Variants in BEND6 observed in about 807,000 individuals in gnomAD.
BEND6 encodes BEN domain containing 6, also known as BEN domain-containing protein 6.
A neutral mutation model predicts 31.8 loss-of-function variants in BEND6; 24 were observed. The observed-to-expected ratio is 0.75, with a 90% CI of 0.55 to 1.06. The LOEUF (loss-of-function observed/expected upper bound fraction) is 1.06. Ranked by LOEUF, BEND6 falls within the 50% of genes least tolerant of loss-of-function variation. The pLI is 0.00. For synonymous variants in BEND6, 109 were observed against 114.6 expected (o/e 0.95, Z 0.31); for missense variants, 294 against 327.4 (o/e 0.90, Z 0.79).
intron 6 of BEND6, among the ~76,000 whole-genome samples, chr6:57,019,087 T>C (rs1393854130): frequency 1.3e-5 from 2 of 152,248 alleles, no homozygotes; most frequent in Admixed American, 6.5e-5. Context: ...TCCACCATCC[T>C]ACATGTTGCT....
chr6:57,004,992 T>C lies in BEND6; in HGVS notation c.299-10141T>C, dbSNP rs1333460558. Reference sequence around the variant, plus strand: ...GAATATGAAAAGAATTAAGAAGTAATTGTATATTGCACATTATTGCTTAAA... The same window carrying C: ...GAATATGAAAAGAATTAAGAAGTAACTGTATATTGCACATTATTGCTTAAA... On this transcript the variant is annotated intron_variant, in intron 3 of 6. Transcript: ENST00000370746. Among the ~76,000 whole-genome samples the C allele has an allele frequency of 7.2e-5, 11 of 152,316 alleles. No individual in the cohort carries two copies. In the East Asian group the frequency reaches 1.3e-3, roughly 19 times the overall value.
At chr6:57,003,180 T>G (rs1827010233) in intron 3 of BEND6, among the ~76,000 whole-genome samples, 1 of 152,044 alleles carries the variant, frequency 6.6e-6, no homozygotes, top group Non-Finnish European at 1.5e-5. Context: ...CTAAACAGAC[T>G]AATATCGAGT....
At chr6:57,022,491 A>T (rs1445515716) in intron 6 of BEND6, among the ~76,000 whole-genome samples, 1 of 150,926 alleles carries the variant, frequency 6.6e-6, no homozygotes, top group East Asian at 1.9e-4. Flanking sequence ...TCCATGTCTC[A>T]TTTTATTTAT....
At chr6:56,989,413 A>G (rs1253100084) in intron 2 of BEND6, among the ~76,000 whole-genome samples, 1 of 152,220 alleles carries the variant, frequency 6.6e-6, no homozygotes, top group Non-Finnish European at 1.5e-5. Context: ...ACCATTATGA[A>G]CAACAGTGTT....
intron 1 of BEND6, among the ~76,000 whole-genome samples, chr6:56,979,990 T>C (rs1826014713): frequency 1.3e-5 from 2 of 152,200 alleles, no homozygotes; most frequent in Admixed American, 1.3e-4. Context: ...CTCTGAAATA[T>C]AAAATGGAGA....
At chr6:57,015,659 A>G (rs987543467) in intron 4 of BEND6, among the ~76,000 whole-genome samples, 1 of 149,358 alleles carries the variant, frequency 6.7e-6, no homozygotes, top group African/African-American at 2.4e-5. Context: ...AAAAAAATTA[A>G]CCGGACGTGA....
intron 2 of BEND6, among the ~76,000 whole-genome samples, chr6:56,991,543 G>A (rs570764018): frequency 2.6e-5 from 4 of 152,006 alleles, no homozygotes; most frequent in African/African-American, 7.2e-5. Flanking sequence ...TATATTTTTT[G>A]TAGAGACAGG....
intron 2 of BEND6, among the ~76,000 whole-genome samples, chr6:56,988,473 G>A (rs1826370358): frequency 6.6e-6 from 1 of 152,118 alleles, no homozygotes; most frequent in African/African-American, 2.4e-5. Flanking sequence ...AAACCATGAT[G>A]TATACTAACA....
chr6:56,974,421 GT>G, intron 1 of BEND6, among the ~76,000 whole-genome samples: 1 of 152,270 alleles, frequency 6.6e-6, no homozygotes, highest in African/African-American at 2.4e-5. Context: ...GATTTAAGAA[GT>G]TTTTAAAAGT....
intron 1 of BEND6, 70 bp downstream of exon 1, chr6:56,955,530 A>G (rs890295351): frequency 1.3e-5 from 2 of 152,216 alleles, no homozygotes; most frequent in African/African-American, 4.8e-5. Context: ...TTCCCTGGGA[A>G]TTGGGATACT....
intron 6 of BEND6, among the ~76,000 whole-genome samples, 180 bp downstream of exon 6, chr6:57,018,737 G>A (rs1328812920): frequency 6.6e-6 from 1 of 152,182 alleles, no homozygotes; most frequent in African/African-American, 2.4e-5. Context: ...ATTGGAAAAT[G>A]CTGGGTTCAG....
intron 1 of BEND6, among the ~76,000 whole-genome samples, chr6:56,979,746 A>C (rs1298476289): frequency 6.6e-6 from 1 of 152,168 alleles, no homozygotes; most frequent in Non-Finnish European, 1.5e-5. Context: ...TACCTATATA[A>C]TATCCTACAT....
chr6:56,997,903 T>A (rs951218599), intron 3 of BEND6, among the ~76,000 whole-genome samples: 6 of 152,108 alleles, frequency 3.9e-5, no homozygotes, highest in African/African-American at 1.4e-4. Context: ...TGAAAGGGAC[T>A]ATTCTAAATA....
At chr6:56,995,216 C>T (rs1826660735) in intron 3 of BEND6, among the ~76,000 whole-genome samples, 1 of 151,092 alleles carries the variant, frequency 6.6e-6, no homozygotes, top group African/African-American at 2.4e-5. Context: ...TATTATTTCT[C>T]CCATTTAAAA....
intron 1 of BEND6, among the ~76,000 whole-genome samples, chr6:56,972,243 C>T (rs1406194825): frequency 2.0e-5 from 3 of 151,686 alleles, no homozygotes; most frequent in African/African-American, 7.3e-5. Context: ...TAAAGTCATG[C>T]GCCACCAGGC....
rs201130782 is a variant in BEND6, at chr6:57,018,406, A to G, written c.713-15A>G. On this transcript the variant is annotated splice_polypyrimidine_tract_variant and intron_variant, in intron 5 of 6. Transcript: ENST00000370746. ...CTCATGAAGTTTCTCATGTGTCGCTATTGGTTTTTTACAGGAGTAACAAAA... is the reference window on the plus strand; with the variant it reads ...CTCATGAAGTTTCTCATGTGTCGCTGTTGGTTTTTTACAGGAGTAACAAAA... 1.3e-4 allele frequency: 207 copies of G among 1,579,446 alleles called. 1 individual carries two copies. The South Asian group carries it at 1.8e-3, about 14-fold the overall frequency.
At chr6:56,982,501 C>A (rs925004036) in intron 2 of BEND6, among the ~76,000 whole-genome samples, 1 of 152,118 alleles carries the variant, frequency 6.6e-6, no homozygotes, top group African/African-American at 2.4e-5. Flanking sequence ...CCTTTTAAAT[C>A]TGAATTCCCC....
intron 3 of BEND6, among the ~76,000 whole-genome samples, chr6:56,997,199 C>T (rs1024735815): frequency 6.6e-6 from 1 of 152,192 alleles, no homozygotes. Flanking sequence ...CTTTCCATCA[C>T]CTCTGCCTAG....
At chr6:57,014,555 G>A (rs1285195417) in intron 3 of BEND6, 12 of 1,442,964 alleles carry the variant, frequency 8.3e-6, no homozygotes, top group Non-Finnish European at 1.0e-5. Flanking sequence ...AAGGAACAAA[G>A]AAAATATTCC....
Sources: gnomAD v4.1 joint callset for allele counts (sites outside exome capture counted in the v4.1 genomes callset) on GRCh38, gnomAD v4.1.1 for gene constraint, MANE v1.5 for transcripts, NCBI Gene and HGNC (gene_info 2026-07-23, HGNC 2026-07-21) for gene names.